KIAA1671: variants seen among roughly 807,000 people sequenced by gnomAD.
The protein encoded by KIAA1671 is uncharacterized protein KIAA1671.
KIAA1671 carries 52 observed loss-of-function variants against 131.2 expected under a neutral mutation model. The ratio of observed to expected loss-of-function variants is 0.40; its 90% CI spans 0.32 to 0.50. The LOEUF (loss-of-function observed/expected upper bound fraction) is 0.50. Among genes scored for constraint, KIAA1671 ranks in the 20% least tolerant of loss-of-function variants. The probability of loss-of-function intolerance (pLI) is 0.73; values close to 1 mark genes in which losing one functional copy is unlikely to be tolerated. For synonymous variants in KIAA1671, 1,003 were observed against 961.6 expected, an observed-to-expected ratio of 1.04 and a Z score of -0.80; for missense variants, 2,360 against 2,364.2, an observed-to-expected ratio of 1.00 and a Z score of 0.04.
At chr22:25,087,935 A>G (rs1033122659) in intron 6 of KIAA1671, among the ~76,000 whole-genome samples, 3 of 152,178 alleles carry the variant, frequency 2.0e-5, no homozygotes, top group Non-Finnish European at 4.4e-5. Flanking sequence ...AACAGCATCT[A>G]CCACCTTTAG....
intron 5 of KIAA1671, 110 bp from the exon 6 acceptor site, chr22:25,049,116 TTTAA>T: frequency 7.8e-7 from 1 of 1,276,700 alleles, no homozygotes; most frequent in East Asian, 2.6e-5. Context: ...TTTCTGGGGG[TTTAA>T]TTTTCTTCTT....
intron 1 of KIAA1671, among the ~76,000 whole-genome samples, chr22:25,004,264 C>T (rs1480197077): frequency 2.6e-5 from 4 of 151,974 alleles, no homozygotes; most frequent in African/African-American, 7.3e-5. Context: ...TACAGGTACA[C>T]ACCACCACGC....
intron 6 of KIAA1671, among the ~76,000 whole-genome samples, chr22:25,085,783 A>G (rs56055061): frequency 0.43 from 45,097 of 105,740 alleles, 7,951 homozygotes; most frequent in Middle Eastern, 0.48. Flanking sequence ...GGAAGGGAGG[A>G]AGGGAGGGAG....
intron 6 of KIAA1671, among the ~76,000 whole-genome samples, chr22:25,160,074 A>G (rs1933383533): frequency 6.6e-6 from 1 of 152,208 alleles, no homozygotes; most frequent in Admixed American, 6.5e-5. Flanking sequence ...TTTTGTAAAC[A>G]CTGGACATTA....
At chr22:25,091,185 G>A (rs901854113) in intron 6 of KIAA1671, among the ~76,000 whole-genome samples, 9 of 152,122 alleles carry the variant, frequency 5.9e-5, no homozygotes, top group African/African-American at 1.4e-4. Flanking sequence ...AGCCTCCCGA[G>A]TAGCTGGAAT....
intron 6 of KIAA1671, chr22:25,064,241 A>T (rs2145839642): frequency 6.6e-6 from 1 of 152,278 alleles, no homozygotes; most frequent in Middle Eastern, 3.4e-3. Context: ...TTTTTGTTAT[A>T]GTAGAGACGG....
chr22:25,137,243 C>A (rs1038043965), intron 6 of KIAA1671, among the ~76,000 whole-genome samples: 4 of 152,146 alleles, frequency 2.6e-5, no homozygotes, highest in African/African-American at 9.7e-5. Flanking sequence ...CAAAAGGGTA[C>A]CCCTTTGTGT....
At chr22:25,031,442 C>T (rs977474923) in intron 3 of KIAA1671, among the ~76,000 whole-genome samples, 3 of 152,104 alleles carry the variant, frequency 2.0e-5, no homozygotes, top group African/African-American at 4.8e-5. Context: ...GTGATCCGCC[C>T]GCCTCAGCCT....
intron 6 of KIAA1671, among the ~76,000 whole-genome samples, chr22:25,065,410 A>G (rs6004416): frequency 0.51 from 77,418 of 151,824 alleles, 20,037 homozygotes; most frequent in Middle Eastern, 0.57. Context: ...CAGGTGGCAC[A>G]TGCCATTCCT....
chr22:25,011,017 C>G (rs1165063916), intron 1 of KIAA1671: 1 of 152,208 alleles, frequency 6.6e-6, no homozygotes, highest in African/African-American at 2.4e-5. Flanking sequence ...CACTCTGTTG[C>G]CCAGACTGGA....
At position 25,177,402 on chromosome 22, in the gene KIAA1671, A is replaced by G; in HGVS notation, c.4954A>G (p.Arg1652Gly). Reference sequence around the variant, plus strand: ...CAAGACCCGGGTGCAGCTCAGCAAGAGAAGCCGCCGCCGGGCCCCCATCTC... The same window carrying G: ...CAAGACCCGGGTGCAGCTCAGCAAGGGAAGCCGCCGCCGGGCCCCCATCTC... Reference protein sequence around the residue: ...ALKTRVQLSKRSRRRAPISHS... With the variant: ...ALKTRVQLSKGSRRRAPISHS... Residue 1652 changes from arginine to glycine, a missense_variant, in exon 9 of 13, where the codon AGA becomes GGA. By Grantham distance (125) the Arg-to-Gly change is moderately radical. This residue lies in a region of KIAA1671 where 1,161 missense variants were observed against 1,204.7 expected (regional missense o/e 0.96). Transcript: ENST00000358431. 6.4e-7 allele frequency: 1 copy of G among 1,551,742 alleles called. No homozygotes were observed. The highest frequency in any genetic ancestry group is 8.7e-7 in the Non-Finnish European group (1 of 1,147,010).
intron 6 of KIAA1671, among the ~76,000 whole-genome samples, chr22:25,101,970 G>T (rs2145897455): frequency 6.6e-6 from 1 of 152,332 alleles, no homozygotes; most frequent in Admixed American, 6.5e-5. Context: ...TGGATATAAG[G>T]AAACGGGAGG....
chr22:25,121,355 G>A (rs1301870659), intron 6 of KIAA1671, among the ~76,000 whole-genome samples: 7 of 151,950 alleles, frequency 4.6e-5, no homozygotes, highest in Non-Finnish European at 7.4e-5. Context: ...CCAGCTGCTC[G>A]GGAGGCTGAG....
chr22:25,129,053 G>C (rs1932312887), intron 6 of KIAA1671, among the ~76,000 whole-genome samples: 1 of 152,204 alleles, frequency 6.6e-6, no homozygotes, highest in South Asian at 2.1e-4. Context: ...GCAGAGGCTG[G>C]GGTTCTCCCT....
chr22:24,979,425 C>T (rs1318308368), intron 1 of KIAA1671, among the ~76,000 whole-genome samples: 6 of 151,226 alleles, frequency 4.0e-5, no homozygotes, highest in East Asian at 1.9e-4. Flanking sequence ...TCTCAGCTCA[C>T]TGCAAGCTCC....
chr22:25,142,643 G>C (rs1601352141), intron 6 of KIAA1671, among the ~76,000 whole-genome samples: 1 of 152,208 alleles, frequency 6.6e-6, no homozygotes, highest in Admixed American at 6.5e-5. Context: ...AGGCCGAGGC[G>C]GGTGGGTCAC....
chr22:25,029,805 G>A (rs1926177391), intron 3 of KIAA1671, among the ~76,000 whole-genome samples: 1 of 152,256 alleles, frequency 6.6e-6, no homozygotes, highest in Non-Finnish European at 1.5e-5. Flanking sequence ...TGTGAGTGAA[G>A]TGGGCGGTAT....
At chr22:25,074,372 G>T (rs1928984717) in intron 6 of KIAA1671, among the ~76,000 whole-genome samples, 1 of 151,320 alleles carries the variant, frequency 6.6e-6, no homozygotes, top group African/African-American at 2.4e-5. Context: ...GGGCATGGTG[G>T]TGTGTGCCTG....
chr22:25,112,531 G>T, intron 6 of KIAA1671: 1 of 397,790 alleles, frequency 2.5e-6, no homozygotes, highest in Non-Finnish European at 4.4e-6. Context: ...TCCTCCCAGG[G>T]AGGGGGTCCC....
Sources: gnomAD v4.1 joint callset for allele counts (sites outside exome capture counted in the v4.1 genomes callset) on GRCh38, gnomAD v4.1.1 for gene constraint, gnomAD v4.1.1 regional missense constraint, MANE v1.5 for transcripts, NCBI Gene and HGNC (gene_info 2026-07-23, HGNC 2026-07-21) for gene names.